The following DGKB variants were observed in gnomAD, a reference collection of about 807,000 sequenced individuals.
DGKB encodes 90 kDa diacylglycerol kinase.
In DGKB, 67 loss-of-function variants were observed where a neutral mutation model predicts 114.3. The observed-to-expected ratio is 0.59, with a 90% CI of 0.48 to 0.72. DGKB has a LOEUF of 0.72. DGKB is among the 30% of genes least tolerant of loss of function. DGKB has a pLI of 0.00. For synonymous variants in DGKB, 398 were observed against 323.1 expected, an observed-to-expected ratio of 1.23 and a Z score of -2.49; for missense variants, 907 against 975.2, an observed-to-expected ratio of 0.93 and a Z score of 0.93.
In DGKB at chr7:14,895,529, A is replaced by G. The variant is rs142520954; in HGVS notation, c.-188+7063T>C. Among the ~76,000 whole-genome samples the G allele has an allele frequency of 3.3e-3, 497 of 151,718 alleles. 4 individuals are homozygous for G. The highest frequency in any genetic ancestry group is 4.2e-3 in the Non-Finnish European group (281 of 67,662). On this transcript the variant is annotated intron_variant, in intron 1 of 25. Coordinates refer to ENST00000402815, the MANE Select transcript of DGKB (RefSeq NM_001350709.2). ...ATCAGCTCTTTGTTCCTTTCACAGC[A>G]CTATTACAACAGCAAATCATGGACT...
intron 1 of DGKB, among the ~76,000 whole-genome samples, chr7:14,939,987 A>C (rs1009657238): frequency 6.6e-6 from 1 of 152,118 alleles, no homozygotes; most frequent in Admixed American, 6.6e-5. Flanking sequence ...TTTACTACTG[A>C]ACAGGGATGT....
intron 1 of DGKB, among the ~76,000 whole-genome samples, chr7:14,887,584 C>T (rs1052443369): frequency 6.6e-6 from 1 of 151,722 alleles, no homozygotes; most frequent in Non-Finnish European, 1.5e-5. Flanking sequence ...TACTTAACAT[C>T]ATCACTTGGA....
intron 13 of DGKB, among the ~76,000 whole-genome samples, chr7:14,669,362 T>A (rs1818570276): frequency 6.6e-6 from 1 of 152,168 alleles, no homozygotes; most frequent in Non-Finnish European, 1.5e-5. Context: ...TTTTTCCTCC[T>A]ATACACTCAG....
intron 21 of DGKB, among the ~76,000 whole-genome samples, chr7:14,383,869 C>A (rs933889866): frequency 3.3e-5 from 5 of 152,108 alleles, no homozygotes; most frequent in African/African-American, 1.2e-4. Flanking sequence ...AGAAAGAGAG[C>A]GTGGTTATTA....
intron 1 of DGKB, among the ~76,000 whole-genome samples, chr7:14,946,322 G>C (rs1467900524): frequency 6.6e-6 from 1 of 151,548 alleles, no homozygotes; most frequent in Non-Finnish European, 1.5e-5. Context: ...CATAGACCAA[G>C]GCTTGAAGAG....
chr7:14,937,502 G>C (rs1330125641), intron 1 of DGKB, among the ~76,000 whole-genome samples: 1 of 152,028 alleles, frequency 6.6e-6, no homozygotes. Flanking sequence ...GTGTGTATAT[G>C]TATAATTTGC....
intron 9 of DGKB, among the ~76,000 whole-genome samples, chr7:14,688,243 A>C (rs1822064575): frequency 6.6e-6 from 1 of 152,212 alleles, no homozygotes; most frequent in Non-Finnish European, 1.5e-5. Flanking sequence ...TATTGTCAAA[A>C]AAGGGAATTT....
At chr7:14,861,793 C>G (rs1274567210) in intron 1 of DGKB, among the ~76,000 whole-genome samples, 1 of 152,010 alleles carries the variant, frequency 6.6e-6, no homozygotes, top group East Asian at 1.9e-4. Flanking sequence ...AGGCATAGAA[C>G]TGAATTCCTT....
intron 12 of DGKB, among the ~76,000 whole-genome samples, 159 bp from the exon 13 acceptor site, chr7:14,673,186 TG>T (rs761242027): frequency 4.9e-4 from 75 of 152,048 alleles, no homozygotes; most frequent in Non-Finnish European, 1.6e-4. Context: ...ATAATACATT[TG>T]TCCTTATATA....
At chr7:14,321,147 C>T (rs149561175) in intron 23 of DGKB, among the ~76,000 whole-genome samples, 5 of 152,108 alleles carry the variant, frequency 3.3e-5, no homozygotes, top group African/African-American at 4.8e-5. Flanking sequence ...AAAACTTAGC[C>T]AGACATGATG....
chr7:14,888,214 A>G (rs1031958320), intron 1 of DGKB, among the ~76,000 whole-genome samples: 1 of 151,786 alleles, frequency 6.6e-6, no homozygotes, highest in Non-Finnish European at 1.5e-5. Flanking sequence ...GCATACTGAT[A>G]GCAGATGGTA....
At chr7:14,919,632 A>G (rs1341841000) in intron 1 of DGKB, among the ~76,000 whole-genome samples, 2 of 152,232 alleles carry the variant, frequency 1.3e-5, no homozygotes, top group Non-Finnish European at 1.5e-5. Flanking sequence ...AAAGATAAGT[A>G]AACTATGGTA....
At chr7:14,609,987 G>C (rs1165971511) in intron 16 of DGKB, among the ~76,000 whole-genome samples, 2 of 151,994 alleles carry the variant, frequency 1.3e-5, no homozygotes, top group African/African-American at 4.8e-5. Flanking sequence ...ACTTCAAACA[G>C]ATCTACCATT....
chr7:14,655,865 A>T (rs1157125706), intron 13 of DGKB, among the ~76,000 whole-genome samples: 1 of 151,684 alleles, frequency 6.6e-6, no homozygotes, highest in Non-Finnish European at 1.5e-5. Flanking sequence ...TGTGGTTTTC[A>T]GAGGCTGAGA....
At chr7:14,807,381 CATAG>C (rs1477156697) in intron 2 of DGKB, among the ~76,000 whole-genome samples, 6 of 151,736 alleles carry the variant, frequency 4.0e-5, no homozygotes, top group African/African-American at 1.5e-4. Flanking sequence ...CACAAATTTC[CATAG>C]ATATATTACT....
chr7:14,209,389 A>C, intron 23 of DGKB: 2 of 466,894 alleles, frequency 4.3e-6, no homozygotes, highest in Admixed American at 4.7e-5. Flanking sequence ...TTGCAACTAT[A>C]AAAACAAGAT....
chr7:14,405,445 G>C (rs575947011), intron 21 of DGKB, among the ~76,000 whole-genome samples: 3 of 151,946 alleles, frequency 2.0e-5, no homozygotes, highest in African/African-American at 7.2e-5. Flanking sequence ...GATAATAATA[G>C]CCATTATGAA....
At chr7:14,756,695 G>C (rs377436747) in intron 3 of DGKB, among the ~76,000 whole-genome samples, 1 of 151,536 alleles carries the variant, frequency 6.6e-6, no homozygotes, top group East Asian at 1.9e-4. Context: ...GAAATCCCAG[G>C]GAAGTACAAT....
At chr7:14,970,407 T>C (rs1010325905) in intron 1 of DGKB, among the ~76,000 whole-genome samples, 2 of 151,592 alleles carry the variant, frequency 1.3e-5, no homozygotes, top group Non-Finnish European at 2.9e-5. Flanking sequence ...TAAAACAGGG[T>C]AATGTAAAAC....
Sources: gnomAD v4.1 joint callset for allele counts (sites outside exome capture counted in the v4.1 genomes callset) on GRCh38, gnomAD v4.1.1 for gene constraint, MANE v1.5 for transcripts, NCBI Gene and HGNC (gene_info 2026-07-23, HGNC 2026-07-21) for gene names.